Variants in CLPSL2 observed in about 807,000 individuals in gnomAD.
The protein encoded by CLPSL2 is colipase like 2, also known as colipase-like protein 2.
CLPSL2 carries 4 observed loss-of-function variants against 7.9 expected under a neutral mutation model. The ratio of observed to expected loss-of-function variants is 0.50; its 90% confidence interval spans 0.25 to 1.15. The LOEUF (loss-of-function observed/expected upper bound fraction) is 1.15, where lower values mean the gene tolerates loss of function less well. Among genes scored for constraint, CLPSL2 ranks in the 50% most tolerant of loss-of-function variants. The probability of loss-of-function intolerance (pLI) is 0.15; values close to 1 mark genes in which losing one functional copy is unlikely to be tolerated. For synonymous variants in CLPSL2, 67 were observed against 53.1 expected, an observed-to-expected ratio of 1.26 and a Z score of -1.14; for missense variants, 132 against 136.6, an observed-to-expected ratio of 0.97 and a Z score of 0.17.
chr6:35,776,928 C>T (rs957628357), intron 1 of CLPSL2: 2 of 437,450 alleles, frequency 4.6e-6, no homozygotes, highest in Non-Finnish European at 4.0e-6. Context: ...AGCACCCTCG[C>T]TCCCTCCACC....
In CLPSL2 at chr6:35,779,269, A is replaced by G. The variant is rs1021137051; in HGVS notation, c.208-86A>G. ...AGGTCTGTCTTACTCCAGGCCTGGT[A>G]CTCTTGGTTCTGGTCCCCAAGAAGT... On this transcript the variant is annotated intron_variant, in intron 2 of 2. Transcript: ENST00000403376. 2.8e-6 allele frequency: 3 copies of G among 1,086,192 alleles called. No homozygotes were observed. In the African/African-American group the frequency reaches 4.7e-5, roughly 17 times the overall value. 67.3% of individuals were successfully genotyped at this position (1,086,192 alleles called of 1,614,324 possible).
intron 2 of CLPSL2, chr6:35,777,996 C>A (rs536225196): frequency 1.4e-6 from 1 of 689,848 alleles, no homozygotes; most frequent in East Asian, 2.8e-5. Flanking sequence ...CGCTCTGTCA[C>A]CCAGGCTAGA....
chr6:35,776,640 G>T lies in CLPSL2; in HGVS notation c.22G>T (p.Val8Leu). 1 of 1,496,798 alleles carries T rather than the reference G, an allele frequency of 6.7e-7. No homozygotes were observed. The allele number at this position is 1,496,798 out of a possible 1,614,324, so 92.7% of individuals were successfully genotyped here. A position where few individuals can be genotyped will look rare whatever the true frequency, so the allele number is the denominator to read the frequency against. The stretch of plus-strand genomic sequence containing the variant: ...GCCCATGGCCGCAGCCCTGGCGCTC[G>T]TGGCGGGGGTCCTGTCGGGGGCGGT... MAAALALVAGVLSGAVLP... is the reference protein window; with the variant it reads MAAALALLAGVLSGAVLP... The change falls in exon 1 of 3, where the codon GTG becomes TTG. Residue 8 changes from valine (V) to leucine (L), a missense_variant. Coordinates refer to ENST00000403376, the MANE Select transcript of CLPSL2 (RefSeq NM_207409.4).
At chr6:35,777,336 T>G (rs1581946103) in intron 1 of CLPSL2, 123 bp from the exon 2 acceptor site, 2 of 1,130,324 alleles carry the variant, frequency 1.8e-6, no homozygotes. Context: ...CCCCAAGGGG[T>G]GACAACCTCA....
chr6:35,777,578 C>G lies in CLPSL2; in HGVS notation c.204C>G (p.Pro68=), dbSNP rs760681616. The change falls in exon 2 of 3, where the codon CCC becomes CCG. Residue 68 remains proline, a synonymous_variant. Coordinates refer to ENST00000403376, the MANE Select transcript of CLPSL2 (RefSeq NM_207409.4). ...PRARITMICL[P]QTKGATNIIC... Reference sequence around the variant, plus strand: ...CCAGAATAACCATGATCTGCTTGCCCCAGGTGAGGCCCTAGTATGGGGCAA... The same window carrying G: ...CCAGAATAACCATGATCTGCTTGCCGCAGGTGAGGCCCTAGTATGGGGCAA... The G allele has an allele frequency of 6.2e-5, 100 of 1,612,890 alleles. No homozygotes were observed. The highest frequency in any genetic ancestry group is 8.2e-5 in the Non-Finnish European group (97 of 1,179,482).
At chr6:35,776,872 A>G in intron 1 of CLPSL2, 170 bp downstream of exon 1, 1 of 527,908 alleles carries the variant, frequency 1.9e-6, no homozygotes, top group Non-Finnish European at 3.1e-6. Flanking sequence ...AAGCCGCTTC[A>G]CTTTCCCCTG....
At chr6:35,776,747 G>T in intron 1 of CLPSL2, 45 bp downstream of exon 1, 2 of 1,344,596 alleles carry the variant, frequency 1.5e-6, no homozygotes, top group South Asian at 1.8e-5. Context: ...GCAGGAGAGG[G>T]TGGCCCCGCC....
At chr6:35,777,778 G>C (rs1400303346) in intron 2 of CLPSL2, 197 bp downstream of exon 2, 1 of 726,476 alleles carries the variant, frequency 1.4e-6, no homozygotes, top group Admixed American at 2.0e-5. Flanking sequence ...TGGAGCTCCT[G>C]TACCCTGGGG....
chr6:35,777,482 C>T lies in CLPSL2; in HGVS notation c.108C>T (p.His36=), dbSNP rs767834702. ...YKKKITDRCF[H]HSECYSGCCL... The stretch of plus-strand genomic sequence containing the variant: ...AGAAAATCACAGACAGGTGCTTCCA[C>T]CACTCTGAGTGCTACAGTGGCTGCT... Residue 36 remains histidine (H), a synonymous_variant, in exon 2 of 3, where the codon CAC becomes CAT. Coordinates refer to ENST00000403376, the MANE Select transcript of CLPSL2 (RefSeq NM_207409.4). 1.2e-6 allele frequency: 2 copies of T among 1,613,774 alleles called. No homozygotes were observed. Among genetic ancestry groups the T allele is most frequent in the South Asian group, 2.2e-5 (2 of 91,078 alleles).
intron 1 of CLPSL2, 31 bp downstream of exon 1, chr6:35,776,733 G>T: frequency 2.2e-6 from 3 of 1,358,322 alleles, no homozygotes; most frequent in South Asian, 1.7e-5. Context: ...AGCCGGCCGC[G>T]ACCGCAGGAG....
intron 2 of CLPSL2, 85 bp downstream of exon 2, chr6:35,777,666 T>C: frequency 7.0e-7 from 1 of 1,431,958 alleles, no homozygotes; most frequent in South Asian, 1.4e-5. Context: ...CCACCTGTTT[T>C]TTCACCTCTG....
At chr6:35,777,707 C>A in intron 2 of CLPSL2, 126 bp downstream of exon 2, 2 of 1,097,518 alleles carry the variant, frequency 1.8e-6, no homozygotes, top group South Asian at 1.6e-5. Flanking sequence ...CTCCACTTGG[C>A]AAACTCCTAC....
intron 2 of CLPSL2, 176 bp downstream of exon 2, chr6:35,777,757 G>T: frequency 1.3e-6 from 1 of 764,172 alleles, no homozygotes; most frequent in Non-Finnish European, 2.3e-6. Context: ...CTCTGAGAAG[G>T]CTTCCCTCCT....
chr6:35,777,617 G>C (rs781065871), intron 2 of CLPSL2, 36 bp downstream of exon 2: 246 of 1,590,984 alleles, frequency 1.5e-4, no homozygotes, highest in Non-Finnish European at 2.1e-4. Context: ...CTGGCAAGTA[G>C]AGAAGCGGGC....
chr6:35,777,737 C>A, intron 2 of CLPSL2, 156 bp downstream of exon 2: 1 of 831,754 alleles, frequency 1.2e-6, no homozygotes, highest in Non-Finnish European at 2.0e-6. Flanking sequence ...AAAACAACTC[C>A]AGCCACCTCC....
intron 1 of CLPSL2, 64 bp downstream of exon 1, chr6:35,776,766 A>C (rs1767844815): frequency 1.5e-6 from 2 of 1,311,038 alleles, no homozygotes; most frequent in South Asian, 3.8e-5. Flanking sequence ...CCGCCGGGGC[A>C]CTGGAGCCCG....
chr6:35,779,280 TG>T, intron 2 of CLPSL2, 74 bp from the exon 3 acceptor site: 1 of 1,240,848 alleles, frequency 8.1e-7, no homozygotes, highest in Non-Finnish European at 1.1e-6. Context: ...CTCTTGGTTC[TG>T]GTCCCCAAGA....
rs553175575 is a variant in CLPSL2 at position 35,779,487 on chromosome 6, A to G, written c.*37A>G. On this transcript the variant is annotated 3_prime_UTR_variant, in exon 3 of 3. Transcript: ENST00000403376. ...GGCTGGTCACTGCTCCCTTGGGGCC[A>G]TAGGCCCTGGTTGCCACCAACTTGC... 1.7e-5 allele frequency: 26 copies of G among 1,555,196 alleles called. No individual in the cohort carries two copies. The African/African-American group carries it at 3.3e-4, about 20-fold the overall frequency.
chr6:35,779,507 A>G lies in CLPSL2; in HGVS notation c.*57A>G. 1 of 1,551,936 alleles carries G rather than the reference A, an allele frequency of 6.4e-7. No individual in the cohort carries two copies. Among genetic ancestry groups the G allele is most frequent in the Non-Finnish European group, 8.7e-7 (1 of 1,146,904 alleles). On this transcript the variant is annotated 3_prime_UTR_variant, in exon 3 of 3. Coordinates refer to ENST00000403376, the MANE Select transcript of CLPSL2 (RefSeq NM_207409.4). ...GGGCCATAGGCCCTGGTTGCCACCA[A>G]CTTGCTCCAAATCCAGCTCCTGAGA...
Sources: allele counts gnomAD v4.1 joint callset, GRCh38; gene constraint gnomAD v4.1.1; transcripts MANE v1.5; gene names NCBI Gene and HGNC (gene_info 2026-07-23, HGNC 2026-07-21).